The following SYNJ2 variants were observed in gnomAD, a reference collection of about 807,000 sequenced individuals.
SYNJ2 encodes the protein synaptojanin 2, also known as polyphosphatidylinositol phosphatase SYNJ2.
Under a neutral mutation model 141.3 loss-of-function variants are expected in SYNJ2, and 116 were observed. That is an observed-to-expected ratio of 0.82 (90% confidence interval 0.71 to 0.96). SYNJ2 has a LOEUF of 0.96. Among genes scored for constraint, SYNJ2 ranks in the 40% least tolerant of loss-of-function variants. The probability of loss-of-function intolerance (pLI) is 0.00; values close to 1 mark genes in which losing one functional copy is unlikely to be tolerated. For missense variants in SYNJ2, 1,873 were observed against 1,934.8 expected, an observed-to-expected ratio of 0.97 and a Z score of 0.60; for synonymous variants, 745 against 777.7, an observed-to-expected ratio of 0.96 and a Z score of 0.70.
intron 25 of SYNJ2, among the ~76,000 whole-genome samples, chr6:158,090,624 A>C (rs1033093876): frequency 2.8e-5 from 4 of 144,528 alleles, no homozygotes; most frequent in African/African-American, 5.1e-5. Flanking sequence ...AGGTCACTGC[A>C]ACCTCCGCCT....
intron 1 of SYNJ2, among the ~76,000 whole-genome samples, chr6:157,989,726 G>A (rs1364894623): frequency 1.3e-5 from 2 of 152,080 alleles, no homozygotes; most frequent in Admixed American, 6.5e-5. Context: ...GCTGAGGAAA[G>A]CGCCCCCCAG....
chr6:158,029,217 C>A (rs1029015159), intron 3 of SYNJ2, 191 bp downstream of exon 3: 47 of 702,278 alleles, frequency 6.7e-5, no homozygotes, highest in Non-Finnish European at 8.6e-5. Flanking sequence ...TGCCACCCCC[C>A]ACCCCTGGCC....
intron 26 of SYNJ2, among the ~76,000 whole-genome samples, chr6:158,094,413 A>C (rs926251259): frequency 2.0e-5 from 3 of 151,592 alleles, no homozygotes; most frequent in Non-Finnish European, 4.4e-5. Context: ...AAAAAAAAAA[A>C]AAAAACACCC....
intron 4 of SYNJ2, among the ~76,000 whole-genome samples, chr6:158,042,822 A>G (rs1780021265): frequency 1.3e-5 from 2 of 152,228 alleles, no homozygotes; most frequent in African/African-American, 4.8e-5. Flanking sequence ...TGCATTGTCA[A>G]GTACGAGACT....
chr6:158,094,921 G>A (rs1390573692), intron 26 of SYNJ2, among the ~76,000 whole-genome samples: 3 of 152,206 alleles, frequency 2.0e-5, no homozygotes, highest in South Asian at 4.1e-4. Context: ...GCTGAGGCGG[G>A]TGGATCACCT....
intron 26 of SYNJ2, among the ~76,000 whole-genome samples, chr6:158,095,112 G>A (rs965258459): frequency 6.6e-6 from 1 of 151,212 alleles, no homozygotes; most frequent in African/African-American, 2.4e-5. Context: ...TTGCGCCATT[G>A]CACTCCAGCC....
chr6:157,999,339 G>A (rs752569431), intron 1 of SYNJ2, among the ~76,000 whole-genome samples: 6 of 152,234 alleles, frequency 3.9e-5, no homozygotes, highest in Non-Finnish European at 7.3e-5. Flanking sequence ...GGCAGGCAGC[G>A]CACTCTGCTC....
At chr6:158,047,843 C>T (rs1257819938) in intron 5 of SYNJ2, among the ~76,000 whole-genome samples, 1 of 127,978 alleles carries the variant, frequency 7.8e-6, no homozygotes, top group African/African-American at 3.0e-5. Flanking sequence ...CTCAAAATGG[C>T]AGCTGCTATT....
intron 4 of SYNJ2, among the ~76,000 whole-genome samples, chr6:158,035,621 T>C (rs1779598149): frequency 6.6e-6 from 1 of 152,236 alleles, no homozygotes; most frequent in Admixed American, 6.5e-5. Context: ...GATTCCTCTC[T>C]TCCTATTGGG....
rs112882268 is a variant in SYNJ2, at chr6:158,023,264, T to TAAAAAAA, written c.215-5482_215-5476dup. Among the ~76,000 whole-genome samples, 20 of 125,364 alleles carry TAAAAAAA rather than the reference T, an allele frequency of 1.6e-4. No individual in the cohort carries two copies. In the South Asian group the frequency reaches 2.0e-3, roughly 13 times the overall value. The allele number at this position is 125,364 out of a possible 152,430, so 82.2% of individuals were successfully genotyped here. A position where few individuals can be genotyped will look rare whatever the true frequency, so the allele number is the denominator to read the frequency against. On this transcript the variant is annotated intron_variant, in intron 2 of 26. Coordinates refer to ENST00000355585, the MANE Select transcript of SYNJ2 (RefSeq NM_003898.4). The stretch of plus-strand genomic sequence containing the variant: ...CAGTGCAAGAACCTGTCTCTAAATT[T>TAAAAAAA]AAAAAAAAAAAAAAAAGCAAACAAA...
intron 1 of SYNJ2, among the ~76,000 whole-genome samples, chr6:157,996,349 T>C (rs1372114640): frequency 6.6e-6 from 1 of 152,010 alleles, no homozygotes; most frequent in East Asian, 1.9e-4. Context: ...CACTGCCCCA[T>C]GTGCTTTCCT....
intron 1 of SYNJ2, among the ~76,000 whole-genome samples, chr6:157,983,744 A>G (rs1282363657): frequency 6.6e-6 from 1 of 152,244 alleles, no homozygotes; most frequent in Admixed American, 6.5e-5. Flanking sequence ...AATGTAAGAA[A>G]GGAATTGGCT....
Position 158,040,271 on chromosome 6 carries a change from G to C in SYNJ2, c.712-3045G>C, listed in dbSNP as rs1779873517. ...GCATTGTGCATTTGTGTATACATGT[G>C]TGTGGTGTGTGCCTTGTGTTTGTTT... On this transcript the variant is annotated intron_variant, in intron 4 of 26. Coordinates refer to ENST00000355585, the MANE Select transcript of SYNJ2 (RefSeq NM_003898.4). The surrounding 1 kb of genome is among the most constrained non-coding windows in gnomAD (Gnocchi z 4.2). 1.3e-5 allele frequency among the ~76,000 whole-genome samples: 2 copies of C among 148,232 alleles called. No individual in the cohort carries two copies. The highest frequency in any genetic ancestry group is 1.3e-4 in the Admixed American group (2 of 15,232).
Position 158,074,736 on chromosome 6 carries a change from AAAGT to A in SYNJ2, c.2292+3_2292+6del, listed in dbSNP as rs781011968. 23 of 1,612,098 alleles carry A rather than the reference AAAGT, an allele frequency of 1.4e-5. No homozygotes were observed. In the Admixed American group the frequency reaches 3.7e-4, roughly 26 times the overall value. On this transcript the variant is annotated splice_donor_variant and coding_sequence_variant, in exon 16 of 27. Transcript: ENST00000355585. LOFTEE classifies it high-confidence loss of function. The stretch of plus-strand genomic sequence containing the variant: ...ACTACAGCTACAGAAATCAAGTGGA[AAAGT>A]AAGTTGTGCTTTAAAAACATTTTTT...
At chr6:158,088,193 T>C (rs1471883812) in intron 23 of SYNJ2, among the ~76,000 whole-genome samples, 1 of 151,590 alleles carries the variant, frequency 6.6e-6, no homozygotes, top group Admixed American at 6.6e-5. Context: ...GCCAAGTAGC[T>C]AGGACTGCAG....
chr6:158,064,886 G>A lies in SYNJ2; in HGVS notation c.1420G>A (p.Asp474Asn), dbSNP rs1351695083. 5 of 1,613,646 alleles carry A rather than the reference G, an allele frequency of 3.1e-6. No homozygotes were observed. In the East Asian group the frequency reaches 6.7e-5, roughly 22 times the overall value. Residue 474 changes from aspartate to asparagine, a missense_variant, in exon 11 of 27, where the codon GAC (aspartate) becomes AAC (asparagine). Asp to Asn is a conservative substitution (Grantham distance 23, BLOSUM62 1). Coordinates refer to ENST00000355585, the MANE Select transcript of SYNJ2 (RefSeq NM_003898.4). ...TCGAACCATCCAGTCCAACTTCTTC[G>A]ACGGGGTGAAGCAGGAGGCCATCAA... ...MSRTIQSNFF[D>N]GVKQEAIKLL...
At position 158,064,690 on chromosome 6, in the gene SYNJ2, G is replaced by A. The variant is rs755496781; in HGVS notation, c.1299G>A (p.Leu433=). ...FVESFKAMWS[L]NGHSLSKVFT... ...AGTCCTTCAAAGCCATGTGGTCTCT[G>A]AATGGCCACAGCCTGAGCAAGGTGT... is the stretch of plus-strand genomic sequence containing the variant. Residue 433 remains leucine (L), a synonymous_variant, in exon 10 of 27, where the codon CTG becomes CTA. Coordinates refer to ENST00000355585, the MANE Select transcript of SYNJ2 (RefSeq NM_003898.4). The A allele has an allele frequency of 6.8e-6, 11 of 1,614,068 alleles. No homozygotes were observed. The East Asian group carries it at 2.2e-4, about 33-fold the overall frequency.
chr6:157,982,600 G>A lies in SYNJ2; in HGVS notation c.127+512G>A, dbSNP rs1322717245. Among the ~76,000 whole-genome samples the A allele has an allele frequency of 6.6e-6, 1 of 152,216 alleles. No individual in the cohort carries two copies. Among genetic ancestry groups the A allele is most frequent in the Non-Finnish European group, 1.5e-5 (1 of 68,026 alleles). On this transcript the variant is annotated intron_variant, in intron 1 of 26. Transcript: ENST00000355585. The surrounding 1 kb of genome is among the most constrained non-coding windows in gnomAD (Gnocchi z 4.0). ...TACTTGGTCGAGAAGCATCGGTGCTGCAATTTATAGAACTTGTAAACAAAT... is the reference window on the plus strand; with the variant it reads ...TACTTGGTCGAGAAGCATCGGTGCTACAATTTATAGAACTTGTAAACAAAT...
chr6:158,065,041 G>C (rs1489181145), intron 11 of SYNJ2, 50 bp downstream of exon 11: 1 of 1,472,200 alleles, frequency 6.8e-7, no homozygotes, highest in Non-Finnish European at 9.0e-7. Context: ...GTGCTCCCCA[G>C]CCCCACTTTC....
Sources: allele counts gnomAD v4.1 joint callset (sites outside exome capture counted in the v4.1 genomes callset), GRCh38; gene constraint gnomAD v4.1.1; non-coding constraint Gnocchi (gnomAD v3.1); transcripts MANE v1.5; gene names NCBI Gene and HGNC (gene_info 2026-07-23, HGNC 2026-07-21).